LRGUK: variants seen among roughly 807,000 people sequenced by gnomAD.
LRGUK encodes the protein leucine rich repeats and guanylate kinase domain containing, also known as leucine-rich repeat and guanylate kinase domain-containing protein.
A neutral mutation model predicts 76.0 loss-of-function variants in LRGUK; 65 were observed. The ratio of observed to expected loss-of-function variants is 0.85; its 90% CI spans 0.70 to 1.05. The LOEUF is 1.05. Among genes scored for constraint, LRGUK ranks in the 50% least tolerant of loss-of-function variants. LRGUK has a pLI of 0.00. For synonymous variants in LRGUK, 268 were observed against 265.6 expected, an observed-to-expected ratio of 1.01 and a Z score of -0.09; for missense variants, 758 against 732.8, an observed-to-expected ratio of 1.03 and a Z score of -0.40.
downstream of LRGUK, among the ~76,000 whole-genome samples, chr7:134,213,597 G>A (rs1311874151): frequency 6.6e-6 from 1 of 152,168 alleles, no homozygotes; most frequent in Non-Finnish European, 1.5e-5. Flanking sequence ...GGCTCCTGAA[G>A]GCATTTGGGG....
At chr7:134,247,512 ATTT>A (rs1802333950) in intron 16 of LRGUK, 41 bp from the exon 17 acceptor site, 3 of 1,384,016 alleles carry the variant, frequency 2.2e-6, no homozygotes, top group Non-Finnish European at 3.1e-6. Flanking sequence ...ATCATCTGAC[ATTT>A]TTAACATCAA....
chr7:134,231,969 A>G (rs1315646061), intron 16 of LRGUK, among the ~76,000 whole-genome samples: 1 of 148,044 alleles, frequency 6.8e-6, no homozygotes, highest in East Asian at 2.0e-4. Flanking sequence ...TCACTTATTT[A>G]TTTATCTACC....
chr7:134,264,909 A>G (rs1802828453), downstream of LRGUK, among the ~76,000 whole-genome samples: 1 of 152,202 alleles, frequency 6.6e-6, no homozygotes, highest in African/African-American at 2.4e-5. Flanking sequence ...TCCTCTAATG[A>G]CTTTCCTTTT....
chr7:134,158,720 C>T (rs540597833), intron 6 of LRGUK, among the ~76,000 whole-genome samples: 45 of 152,232 alleles, frequency 3.0e-4, no homozygotes, highest in African/African-American at 1.0e-3. Context: ...CCACAGAGAG[C>T]ACTCTTTCGA....
chr7:134,273,876 ATAT>A, the LRGUK span, among the ~76,000 whole-genome samples: 1 of 152,222 alleles, frequency 6.6e-6, no homozygotes, highest in African/African-American at 2.4e-5. Flanking sequence ...AAGTGATTTA[ATAT>A]TAATAATAGT....
At chr7:134,255,504 A>C (rs951586074) in intron 18 of LRGUK, among the ~76,000 whole-genome samples, 2 of 152,216 alleles carry the variant, frequency 1.3e-5, no homozygotes, top group East Asian at 3.8e-4. Flanking sequence ...CCAATGACAC[A>C]GGCACGTCTG....
intron 8 of LRGUK, among the ~76,000 whole-genome samples, chr7:134,176,260 C>G (rs762794501): frequency 7.2e-5 from 11 of 152,158 alleles, no homozygotes; most frequent in Admixed American, 2.0e-4. Flanking sequence ...GGATAAATAG[C>G]TAATGCATGC....
chr7:134,178,371 A>G lies in LRGUK; in HGVS notation c.1108-132A>G, dbSNP rs1799573062. The G allele has an allele frequency of 5.4e-6, 3 of 552,550 alleles. No homozygotes were observed. In the South Asian group the frequency reaches 8.0e-5, roughly 15 times the overall value. The allele number at this position is 552,550 out of a possible 1,614,324, so 34.2% of individuals were successfully genotyped here. Reference sequence around the variant, plus strand: ...ACATGAAGACTGAATACTAATGTTAATGGGTGTGTGTTAAATTATTTTGTG... The same window carrying G: ...ACATGAAGACTGAATACTAATGTTAGTGGGTGTGTGTTAAATTATTTTGTG... On this transcript the variant is annotated intron_variant, in intron 9 of 15. Transcript: ENST00000645682.
chr7:134,183,679 A>G, intron 10 of LRGUK, 55 bp from the exon 11 acceptor site: 1 of 1,605,228 alleles, frequency 6.2e-7, no homozygotes, highest in Non-Finnish European at 8.5e-7. Flanking sequence ...GGATGTAGTT[A>G]ATGTGCTGTC....
intron 5 of LRGUK, 94 bp from the exon 6 acceptor site, chr7:134,157,941 G>A (rs1798555875): frequency 3.9e-6 from 4 of 1,027,560 alleles, no homozygotes; most frequent in Non-Finnish European, 5.8e-6. Context: ...TTTAAGCTGT[G>A]GTCTGCTTTG....
intron 14 of LRGUK, among the ~76,000 whole-genome samples, chr7:134,200,490 T>A (rs953931844): frequency 1.3e-5 from 2 of 152,042 alleles, no homozygotes; most frequent in Non-Finnish European, 1.5e-5. Flanking sequence ...TGTAAAAAAA[T>A]TGTGCAATTG....
At chr7:134,169,567 C>A (rs938306300) in intron 7 of LRGUK, among the ~76,000 whole-genome samples, 1 of 152,090 alleles carries the variant, frequency 6.6e-6, no homozygotes, top group Non-Finnish European at 1.5e-5. Flanking sequence ...TTTCTCTATA[C>A]CCTAAGGTTT....
At position 134,210,175 on chromosome 7, in the gene LRGUK, A is replaced by G. The variant is rs1427244721; in HGVS notation, c.3312A>G (p.Leu1104=). 3 of 399,354 alleles carry G rather than the reference A, an allele frequency of 7.5e-6. No individual in the cohort carries two copies. The East Asian group carries it at 1.1e-4, about 14-fold the overall frequency. The allele number at this position is 399,354 out of a possible 1,614,324, so 24.7% of individuals were successfully genotyped here. A position where few individuals can be genotyped will look rare whatever the true frequency, so the allele number is the denominator to read the frequency against. Residue 1104 remains leucine (L), a synonymous_variant, in exon 16 of 16, where the codon CTA becomes CTG. Coordinates refer to ENST00000645682, the Ensembl canonical transcript of LRGUK. ...GGAACCACCAGCCAGCCTTGCAGCT[A>G]GAACCCCACGATCAGCCAGCTCCCA...
At chr7:134,178,924 C>T (rs55732179) in intron 10 of LRGUK, among the ~76,000 whole-genome samples, 4 of 142 alleles carry the variant, frequency 0.028, no homozygotes, top group African/African-American at 0.053. Context: ...ACAGTGAAAT[C>T]TCAAAAAAAA....
chr7:134,193,843 C>T (rs1800363459), intron 12 of LRGUK, among the ~76,000 whole-genome samples: 2 of 152,098 alleles, frequency 1.3e-5, no homozygotes. Context: ...AGCAGGCCCA[C>T]TGACGGACAG....
chr7:134,231,754 C>T (rs13226211), intron 16 of LRGUK, among the ~76,000 whole-genome samples: 1 of 135,068 alleles, frequency 7.4e-6, no homozygotes, highest in Non-Finnish European at 1.6e-5. Flanking sequence ...CGTTCTCCCT[C>T]TCTTCCTCCC....
chr7:134,205,218 T>G (rs551429306), intron 15 of LRGUK, among the ~76,000 whole-genome samples: 1 of 152,322 alleles, frequency 6.6e-6, no homozygotes, highest in African/African-American at 2.4e-5. Flanking sequence ...TCCTGCTGAT[T>G]GGTGCGTTTT....
At chr7:134,251,865 T>C (rs938505374) in intron 18 of LRGUK, among the ~76,000 whole-genome samples, 1 of 152,166 alleles carries the variant, frequency 6.6e-6, no homozygotes, top group Admixed American at 6.5e-5. Context: ...ATAATGACAC[T>C]TTCCCAATGC....
At chr7:134,152,886 A>G (rs1798284262) in intron 5 of LRGUK, among the ~76,000 whole-genome samples, 2 of 152,118 alleles carry the variant, frequency 1.3e-5, no homozygotes, top group Admixed American at 6.6e-5. Context: ...CATATCATAC[A>G]GTAGAGAAAA....
Sources: gnomAD v4.1 joint callset for allele counts (sites outside exome capture counted in the v4.1 genomes callset) on GRCh38, gnomAD v4.1.1 for gene constraint, MANE v1.5 for transcripts, NCBI Gene and HGNC (gene_info 2026-07-23, HGNC 2026-07-21) for gene names.